Variants in IGSF10 observed in about 807,000 individuals in gnomAD.
IGSF10 encodes calvaria mechanical force protein 608.
Under a neutral mutation model 128.2 loss-of-function variants are expected in IGSF10, and 126 were observed. That is an observed-to-expected ratio of 0.98 (90% CI 0.85 to 1.14). The LOEUF (loss-of-function observed/expected upper bound fraction) is 1.14. Ranked by LOEUF, IGSF10 falls within the 50% of genes most tolerant of loss-of-function variation. The pLI, the probability that IGSF10 is intolerant of heterozygous loss-of-function variation, is 0.00. For synonymous variants in IGSF10, 1,185 were observed against 1,146.2 expected, an observed-to-expected ratio of 1.03 and a Z score of -0.68; for missense variants, 3,295 against 3,149.8, an observed-to-expected ratio of 1.05 and a Z score of -1.10.
the IGSF10 span, among the ~76,000 whole-genome samples, chr3:151,583,855 A>G: frequency 3.9e-5 from 6 of 152,136 alleles, no homozygotes; most frequent in Non-Finnish European, 8.8e-5. Flanking sequence ...GTCCTTGTAG[A>G]TTTGTCAAGT....
At chr3:151,578,783 T>A in the IGSF10 span, among the ~76,000 whole-genome samples, 1 of 152,216 alleles carries the variant, frequency 6.6e-6, no homozygotes, top group Non-Finnish European at 1.5e-5. Context: ...AAAAAAGATC[T>A]TCTATCTTTG....
At chr3:151,569,054 A>G in the IGSF10 span, among the ~76,000 whole-genome samples, 1 of 152,124 alleles carries the variant, frequency 6.6e-6, no homozygotes, top group African/African-American at 2.4e-5. Flanking sequence ...CTATTGCAAC[A>G]ATACATTCTG....
chr3:151,497,057 T>C, the IGSF10 span, among the ~76,000 whole-genome samples: 3 of 152,202 alleles, frequency 2.0e-5, no homozygotes, highest in Non-Finnish European at 4.4e-5. Flanking sequence ...TTGAGTTCAT[T>C]GTAGATTCTG....
In IGSF10 at chr3:151,454,027, T is replaced by C. The variant is rs1017681680; in HGVS notation, c.325-253A>G. 7.0e-4 allele frequency among the ~76,000 whole-genome samples: 105 copies of C among 150,580 alleles called. 1 individual carries two copies. In the East Asian group the frequency reaches 0.019, roughly 27 times the overall value. ...TTTCTTTTTTTCTTTTTCTTTTTTTTTTTTTTTTGAGACAGCGTCTTGCTC... is the reference window on the plus strand; with the variant it reads ...TTTCTTTTTTTCTTTTTCTTTTTTTCTTTTTTTTGAGACAGCGTCTTGCTC... On this transcript the variant is annotated intron_variant, in intron 4 of 7. Transcript: ENST00000282466.
At chr3:151,479,758 T>C in the IGSF10 span, among the ~76,000 whole-genome samples, 2 of 152,198 alleles carry the variant, frequency 1.3e-5, no homozygotes, top group African/African-American at 4.8e-5. Flanking sequence ...AATATAGCTA[T>C]GGAGTGAATG....
chr3:151,482,341 T>C, the IGSF10 span, among the ~76,000 whole-genome samples: 1 of 152,158 alleles, frequency 6.6e-6, no homozygotes, highest in Admixed American at 6.5e-5. Flanking sequence ...AGAAATTTAA[T>C]AAAGAGACCG....
the IGSF10 span, among the ~76,000 whole-genome samples, chr3:151,514,616 T>C: frequency 6.6e-6 from 1 of 152,162 alleles, no homozygotes; most frequent in Non-Finnish European, 1.5e-5. Flanking sequence ...AATTGACTAA[T>C]GGGATCTAAT....
chr3:151,435,383 A>T (rs1434522154), downstream of IGSF10: 1 of 152,096 alleles, frequency 6.6e-6, no homozygotes, highest in African/African-American at 2.4e-5. Context: ...AGAGGAGATC[A>T]ATGCGTAGCT....
At chr3:151,579,876 A>AAGGAAGAAAGGAAGGAAGGG in the IGSF10 span, among the ~76,000 whole-genome samples, 1 of 18,660 alleles carries the variant, frequency 5.4e-5, no homozygotes, top group Non-Finnish European at 1.1e-4. Context: ...GGAGGAAGGA[A>AAGGAAGAAAGGAAGGAAGGG]AGGAAGGAAG....
the IGSF10 span, among the ~76,000 whole-genome samples, chr3:151,491,620 G>A: frequency 2.0e-5 from 3 of 152,014 alleles, no homozygotes; most frequent in Admixed American, 1.3e-4. Flanking sequence ...ATAGAGTCAG[G>A]AAGAAATACA....
the IGSF10 span, among the ~76,000 whole-genome samples, chr3:151,497,022 G>T: frequency 6.6e-6 from 1 of 151,984 alleles, no homozygotes; most frequent in South Asian, 2.1e-4. Flanking sequence ...TTGTTGATAG[G>T]GTTGTTTTTT....
the IGSF10 span, among the ~76,000 whole-genome samples, chr3:151,611,738 G>A: frequency 0.58 from 88,256 of 152,002 alleles, 25,834 homozygotes; most frequent in East Asian, 0.7. Flanking sequence ...AAGTTTAGCT[G>A]TATGTAGAAA....
downstream of IGSF10, chr3:151,434,619 T>G (rs552071944): frequency 1.3e-5 from 2 of 152,262 alleles, no homozygotes; most frequent in Non-Finnish European, 2.9e-5. Context: ...AGTTGTTTTC[T>G]TCAAAGTAAT....
chr3:151,582,736 A>T, the IGSF10 span, among the ~76,000 whole-genome samples: 1 of 152,184 alleles, frequency 6.6e-6, no homozygotes, highest in South Asian at 2.1e-4. Flanking sequence ...ATCTATTGTC[A>T]TATATCTTAA....
intron 4 of IGSF10, 127 bp from the exon 5 acceptor site, chr3:151,453,901 C>T: frequency 3.6e-6 from 2 of 548,548 alleles, no homozygotes; most frequent in Non-Finnish European, 6.3e-6. Flanking sequence ...CTTAGGATCC[C>T]AATTCAATCA....
the IGSF10 span, among the ~76,000 whole-genome samples, chr3:151,546,807 G>A: frequency 6.6e-6 from 1 of 151,814 alleles, no homozygotes; most frequent in Non-Finnish European, 1.5e-5. Flanking sequence ...TTTTGCTCTT[G>A]TTGCCCAGGC....
chr3:151,478,142 T>G, the IGSF10 span, among the ~76,000 whole-genome samples: 1 of 152,120 alleles, frequency 6.6e-6, no homozygotes, highest in Non-Finnish European at 1.5e-5. Flanking sequence ...TAAAGCCCCT[T>G]AAAGTGACAA....
At chr3:151,510,857 G>C in the IGSF10 span, among the ~76,000 whole-genome samples, 1 of 152,094 alleles carries the variant, frequency 6.6e-6, no homozygotes, top group Non-Finnish European at 1.5e-5. Flanking sequence ...TGGAAGAAAG[G>C]GTATCAGTGG....
chr3:151,466,489 G>A, the IGSF10 span, among the ~76,000 whole-genome samples: 3 of 152,206 alleles, frequency 2.0e-5, no homozygotes. Context: ...AATTATCTCA[G>A]TCCAAGGAGT....
Sources: allele counts gnomAD v4.1 joint callset (sites outside exome capture counted in the v4.1 genomes callset), GRCh38; gene constraint gnomAD v4.1.1; transcripts MANE v1.5; gene names NCBI Gene and HGNC (gene_info 2026-07-23, HGNC 2026-07-21).